The following STK4 variants were observed in gnomAD, a reference collection of about 807,000 sequenced individuals.
The protein encoded by STK4 is serine/threonine kinase 4.
A neutral mutation model predicts 64.9 loss-of-function variants in STK4; 30 were observed. That is an observed-to-expected ratio of 0.46 (90% confidence interval 0.35 to 0.63). The LOEUF (loss-of-function observed/expected upper bound fraction) is 0.63. Among genes scored for constraint, STK4 ranks in the 20% least tolerant of loss-of-function variants. The pLI is 0.01. For missense variants in STK4, 466 were observed against 598.5 expected, an observed-to-expected ratio of 0.78 and a Z score of 2.31; for synonymous variants, 177 against 199.0, an observed-to-expected ratio of 0.89 and a Z score of 0.93.
At chr20:45,014,973 C>G (rs529268342) in intron 9 of STK4, among the ~76,000 whole-genome samples, 1 of 152,290 alleles carries the variant, frequency 6.6e-6, no homozygotes, top group Admixed American at 6.5e-5. Context: ...TCTAATTTTT[C>G]TCCCAGAGCA....
intron 1 of STK4, among the ~76,000 whole-genome samples, chr20:44,968,348 A>G (rs567235019): frequency 1.3e-5 from 2 of 152,344 alleles, no homozygotes; most frequent in Admixed American, 6.5e-5. Flanking sequence ...CGTGTTAGCC[A>G]GGATGGTCTC....
Position 45,006,322 on chromosome 20 carries a change from G to T in STK4, c.1147+4969G>T, listed in dbSNP as rs1036493351. On this transcript the variant is annotated intron_variant, in intron 9 of 10. Transcript: ENST00000372806. ...TTGCTATGTTGTCCAGGCAGGTCTT[G>T]AACTCCTGGGCTCGTCATCCTCCTA... Among the ~76,000 whole-genome samples the T allele has an allele frequency of 2.4e-4, 36 of 149,730 alleles. 1 individual carries two copies. The highest frequency in any genetic ancestry group is 8.8e-4 in the African/African-American group (36 of 40,734).
chr20:45,023,895 CTTTTTTTTTTT>C (rs752584355), intron 9 of STK4, among the ~76,000 whole-genome samples: 1 of 111,322 alleles, frequency 9.0e-6, no homozygotes. Context: ...ATACTAACTT[CTTTTTTTTTTT>C]TTTTTTTTTT....
chr20:44,969,188 AG>A (rs2067204088), intron 1 of STK4, among the ~76,000 whole-genome samples: 1 of 152,210 alleles, frequency 6.6e-6, no homozygotes. Context: ...GGTGGGTATT[AG>A]GACTTCAGCA....
rs1473473665 is a variant in STK4 at position 45,077,964 on chromosome 20, A to G, written c.*2788A>G. 1 of 152,188 alleles carries G rather than the reference A, an allele frequency of 6.6e-6. No individual in the cohort carries two copies. Among genetic ancestry groups the G allele is most frequent in the Non-Finnish European group, 1.5e-5 (1 of 68,030 alleles). 9.4% of individuals were successfully genotyped at this position (152,188 alleles called of 1,614,324 possible). A position where few individuals can be genotyped will look rare whatever the true frequency, so the allele number is the denominator to read the frequency against. ...GATCAGAGAAATTTCCTGACAAGGTATATTTGTTTTCTAGTGACAGAAAGG... is the reference window on the plus strand; with the variant it reads ...GATCAGAGAAATTTCCTGACAAGGTGTATTTGTTTTCTAGTGACAGAAAGG... On this transcript the variant is annotated 3_prime_UTR_variant, in exon 11 of 11. Coordinates refer to ENST00000372806, the MANE Select transcript of STK4 (RefSeq NM_006282.5).
chr20:44,988,533 G>GTGTGTATATATATA (rs1221720136), intron 5 of STK4, among the ~76,000 whole-genome samples: 9 of 101,584 alleles, frequency 8.9e-5, no homozygotes, highest in African/African-American at 3.8e-4. Context: ...ATGTGTGTGT[G>GTGTGTATATATATA]TATATATATA....
At chr20:45,047,993 GT>G (rs1568753366) in intron 10 of STK4, among the ~76,000 whole-genome samples, 1 of 152,160 alleles carries the variant, frequency 6.6e-6, no homozygotes, top group African/African-American at 2.4e-5. Flanking sequence ...CAGCTAATGC[GT>G]CTCTCTCATA....
chr20:44,976,747 A>G (rs1449359567), intron 2 of STK4, among the ~76,000 whole-genome samples: 1 of 152,252 alleles, frequency 6.6e-6, no homozygotes, highest in Non-Finnish European at 1.5e-5. Context: ...AAAGACATTA[A>G]GAACTAAATA....
intron 10 of STK4, among the ~76,000 whole-genome samples, chr20:45,049,139 C>G (rs2068740596): frequency 6.6e-6 from 1 of 152,150 alleles, no homozygotes; most frequent in Admixed American, 6.5e-5. Flanking sequence ...GGTACCCTTT[C>G]ATCAAGCAGA....
intron 9 of STK4, among the ~76,000 whole-genome samples, chr20:45,009,637 T>G (rs961840707): frequency 6.6e-6 from 1 of 152,232 alleles, no homozygotes; most frequent in African/African-American, 2.4e-5. Context: ...ATATACATTT[T>G]AATTATATTG....
Position 45,001,330 on chromosome 20 carries a change from A to G in STK4, c.1124A>G (p.Glu375Gly). The change falls in exon 9 of 11, where the codon GAG becomes GGG. Residue 375 changes from glutamate to glycine, a missense_variant. This residue lies in a region of STK4 where 276 missense variants were observed against 308.9 expected (regional missense o/e 0.89). Transcript: ENST00000372806. ...ACCATGGTGATCAATGCAGAGGATG[A>G]GGAAGAGGAAGGAACTATGAAAAGT... ...LGTMVINAED[E>G]EEEGTMKRRD... is the part of the protein sequence containing the mutation. The G allele has an allele frequency of 6.2e-7, 1 of 1,611,362 alleles. No homozygotes were observed. The highest frequency in any genetic ancestry group is 8.5e-7 in the Non-Finnish European group (1 of 1,177,694).
intron 10 of STK4, among the ~76,000 whole-genome samples, chr20:45,031,844 G>T (rs1160825229): frequency 6.8e-6 from 1 of 146,394 alleles, no homozygotes; most frequent in Non-Finnish European, 1.5e-5. Context: ...GGCGGAGGTT[G>T]CAGTGAGCCG....
chr20:45,055,529 T>C (rs1237466959), intron 10 of STK4, among the ~76,000 whole-genome samples: 1 of 150,210 alleles, frequency 6.7e-6, no homozygotes, highest in Non-Finnish European at 1.5e-5. Context: ...CAAAGTGTAA[T>C]TTTTTTTTTA....
intron 10 of STK4, among the ~76,000 whole-genome samples, chr20:45,051,583 T>A (rs1433871048): frequency 5.9e-5 from 9 of 152,240 alleles, no homozygotes; most frequent in Non-Finnish European, 1.5e-5. Context: ...TTTGTTGTGC[T>A]GGTATGTTTT....
At position 45,006,405 on chromosome 20, in the gene STK4, T is replaced by C. The variant is rs866491723; in HGVS notation, c.1147+5052T>C. 3.3e-5 allele frequency among the ~76,000 whole-genome samples: 5 copies of C among 152,118 alleles called. No individual in the cohort carries two copies. The East Asian group carries it at 7.7e-4, about 23-fold the overall frequency. On this transcript the variant is annotated intron_variant, in intron 9 of 10. Transcript: ENST00000372806. ...GCATACGACTGCTCCGGGCTTGTCT[T>C]ACAGATTTTTTTCTGTTTATCTCTT... is the stretch of plus-strand genomic sequence containing the variant.
intron 10 of STK4, among the ~76,000 whole-genome samples, chr20:45,069,729 A>C (rs555268493): frequency 6.6e-6 from 1 of 152,344 alleles, no homozygotes; most frequent in South Asian, 2.1e-4. Context: ...CATTGGTTTC[A>C]GTGGCTTTTG....
intron 5 of STK4, among the ~76,000 whole-genome samples, chr20:44,991,253 T>C (rs1963428614): frequency 6.6e-6 from 1 of 152,226 alleles, no homozygotes; most frequent in African/African-American, 2.4e-5. Flanking sequence ...TACAGTTGGA[T>C]GTTGGGTGCC....
intron 4 of STK4, among the ~76,000 whole-genome samples, chr20:44,985,108 C>T (rs1026324954): frequency 1.3e-5 from 2 of 152,142 alleles, no homozygotes; most frequent in African/African-American, 4.8e-5. Flanking sequence ...ATAGAAGGTA[C>T]CCCAGACTCT....
intron 10 of STK4, among the ~76,000 whole-genome samples, chr20:45,031,898 T>C (rs1225306587): frequency 8.9e-6 from 1 of 111,792 alleles, no homozygotes. Context: ...CAGCGAGACT[T>C]CATCTCAAAA....
Sources: gnomAD v4.1 joint callset for allele counts (sites outside exome capture counted in the v4.1 genomes callset) on GRCh38, gnomAD v4.1.1 for gene constraint, gnomAD v4.1.1 regional missense constraint, MANE v1.5 for transcripts, NCBI Gene and HGNC (gene_info 2026-07-23, HGNC 2026-07-21) for gene names.